DIAPH1: variants seen among roughly 807,000 people sequenced by gnomAD.
DIAPH1 encodes the protein diaphanous related formin 1, also known as protein diaphanous homolog 1.
A neutral mutation model predicts 140.7 loss-of-function variants in DIAPH1; 46 were observed. The observed-to-expected ratio is 0.33, with a 90% CI of 0.26 to 0.42. The LOEUF is 0.42. DIAPH1 is among the 10% of genes least tolerant of loss of function. DIAPH1 has a pLI of 1.00. For missense variants in DIAPH1, 1,310 were observed against 1,558.7 expected, an observed-to-expected ratio of 0.84 and a Z score of 2.69; for synonymous variants, 565 against 551.6, an observed-to-expected ratio of 1.02 and a Z score of -0.34.
chr5:141,534,461 G>T (rs758972274), intron 18 of DIAPH1, 28 bp from the exon 19 acceptor site: 161 of 1,594,168 alleles, frequency 1.0e-4, no homozygotes, highest in Non-Finnish European at 2.2e-5. Flanking sequence ...AGAAAAGCAT[G>T]ATTAAAAGTA....
chr5:141,556,475 C>G (rs977402032), intron 18 of DIAPH1, among the ~76,000 whole-genome samples: 10 of 152,274 alleles, frequency 6.6e-5, no homozygotes, highest in African/African-American at 2.4e-4. Flanking sequence ...CGGCAGTGTG[C>G]AAACTTTTCT....
intron 18 of DIAPH1, among the ~76,000 whole-genome samples, chr5:141,546,447 G>C (rs2099890810): frequency 6.6e-6 from 1 of 152,114 alleles, no homozygotes; most frequent in Non-Finnish European, 1.5e-5. Flanking sequence ...CACGAGGTCA[G>C]GAGTTCAAGA....
intron 1 of DIAPH1, among the ~76,000 whole-genome samples, chr5:141,589,524 T>C (rs76945386): frequency 0.071 from 10,774 of 152,146 alleles, 508 homozygotes; most frequent in South Asian, 0.12. Context: ...AAATATAATA[T>C]TGAATTATTA....
intron 1 of DIAPH1, among the ~76,000 whole-genome samples, chr5:141,612,746 T>A (rs2099902042): frequency 6.6e-6 from 1 of 152,180 alleles, no homozygotes; most frequent in South Asian, 2.1e-4. Flanking sequence ...AAATATGCAG[T>A]TTATTGTATT....
At chr5:141,559,928 T>A (rs927180605) in intron 18 of DIAPH1, among the ~76,000 whole-genome samples, 1 of 152,220 alleles carries the variant, frequency 6.6e-6, no homozygotes, top group Non-Finnish European at 1.5e-5. Flanking sequence ...TTAATCCCCA[T>A]GCATACATCA....
intron 18 of DIAPH1, among the ~76,000 whole-genome samples, chr5:141,552,270 G>A (rs947815734): frequency 6.6e-6 from 1 of 151,848 alleles, no homozygotes; most frequent in African/African-American, 2.4e-5. Flanking sequence ...GCTCACTGTA[G>A]CCTTAAATTC....
At chr5:141,556,860 A>G (rs2154595781) in intron 18 of DIAPH1, among the ~76,000 whole-genome samples, 1 of 152,206 alleles carries the variant, frequency 6.6e-6, no homozygotes, top group East Asian at 1.9e-4. Context: ...CGGCCCGGCT[A>G]ATTTTTGTAT....
At chr5:141,615,571 C>T (rs1192385334) in intron 1 of DIAPH1, among the ~76,000 whole-genome samples, 1 of 151,786 alleles carries the variant, frequency 6.6e-6, no homozygotes, top group Admixed American at 6.6e-5. Context: ...GAAACCCCGT[C>T]TCTACTAAAA....
intron 18 of DIAPH1, among the ~76,000 whole-genome samples, chr5:141,553,654 C>A (rs2099892101): frequency 6.6e-6 from 1 of 151,488 alleles, no homozygotes; most frequent in South Asian, 2.1e-4. Context: ...AAAAAAACCC[C>A]CCAAGAAAAC....
chr5:141,518,672 G>A (rs1199636382), intron 27 of DIAPH1: 2 of 465,658 alleles, frequency 4.3e-6, no homozygotes, highest in African/African-American at 3.9e-5. Flanking sequence ...ATAAGCATGT[G>A]CCACCATATC....
At chr5:141,612,010 T>A (rs2099901923) in intron 1 of DIAPH1, among the ~76,000 whole-genome samples, 1 of 152,188 alleles carries the variant, frequency 6.6e-6, no homozygotes, top group Admixed American at 6.5e-5. Flanking sequence ...GAGGCTCCGG[T>A]AAGCCGAGAT....
chr5:141,576,649 T>A, intron 13 of DIAPH1, 107 bp downstream of exon 13: 2 of 820,858 alleles, frequency 2.4e-6, no homozygotes, highest in Non-Finnish European at 4.3e-6. Flanking sequence ...AAAATAGAAC[T>A]ATCTGGGGAC....
At chr5:141,557,895 C>T (rs964640503) in intron 18 of DIAPH1, 1 of 152,346 alleles carries the variant, frequency 6.6e-6, no homozygotes, top group Non-Finnish European at 1.5e-5. Flanking sequence ...CTCTGCAAAC[C>T]AGACTCCTCC....
At chr5:141,618,406 T>G in intron 1 of DIAPH1, 1 of 162,974 alleles carries the variant, frequency 6.1e-6, no homozygotes, top group Non-Finnish European at 1.3e-5. Flanking sequence ...AAAAAAGGTG[T>G]AAGGTTAAGA....
intron 26 of DIAPH1, among the ~76,000 whole-genome samples, chr5:141,525,463 CAT>C (rs2099887190): frequency 1.3e-5 from 2 of 152,030 alleles, no homozygotes. Context: ...TAATTGAAAC[CAT>C]ATGTTTCAAC....
At position 141,573,946 on chromosome 5, in the gene DIAPH1, C is replaced by T. The variant is rs2154596299; in HGVS notation, c.1904G>A (p.Gly635Glu). Residue 635 changes from glycine (G) to glutamate (E), a missense_variant, in exon 16 of 28, where the codon GGA becomes GAA. Coordinates refer to ENST00000389054, the MANE Select transcript of DIAPH1 (RefSeq NM_005219.5). ...AGGGGGTGGAGAGATAGCAGTACCT[C>T]CAGGTAAAGAAGGGGGTGAGGAGAT... ...VCISSPPSLP[G>E]GTAISPPPPL... 3 of 1,548,016 alleles carry T rather than the reference C, an allele frequency of 1.9e-6. No individual in the cohort carries two copies. Among genetic ancestry groups the T allele is most frequent in the South Asian group, 2.4e-5 (2 of 83,920 alleles).
chr5:141,604,635 GCACCAAGTATGAGGA>G (rs1347531813), intron 1 of DIAPH1, among the ~76,000 whole-genome samples: 3 of 152,182 alleles, frequency 2.0e-5, no homozygotes, highest in Non-Finnish European at 2.9e-5. Flanking sequence ...CTACATACAG[GCACCAAGTATGAGGA>G]CACCTTGTTT....
At chr5:141,582,551 C>T (rs1212724686) in intron 6 of DIAPH1, among the ~76,000 whole-genome samples, 176 bp from the exon 7 acceptor site, 1 of 152,192 alleles carries the variant, frequency 6.6e-6, no homozygotes, top group Non-Finnish European at 1.5e-5. Flanking sequence ...GAGGGATCTT[C>T]ACCATCAACA....
chr5:141,605,093 TA>T (rs958825526), intron 1 of DIAPH1, among the ~76,000 whole-genome samples: 2 of 152,022 alleles, frequency 1.3e-5, no homozygotes, highest in African/African-American at 4.8e-5. Context: ...TTCTAACCAT[TA>T]AAAAAAATTA....
Sources: gnomAD v4.1 joint callset for allele counts (sites outside exome capture counted in the v4.1 genomes callset) on GRCh38, gnomAD v4.1.1 for gene constraint, MANE v1.5 for transcripts, NCBI Gene and HGNC (gene_info 2026-07-23, HGNC 2026-07-21) for gene names.